AGL: variants seen among roughly 807,000 people sequenced by gnomAD.
The protein encoded by AGL is glycogen debranching enzyme.
AGL carries 128 observed loss-of-function variants against 199.3 expected under a neutral mutation model. The observed-to-expected ratio is 0.64, with a 90% CI of 0.56 to 0.74. The LOEUF is 0.74. AGL is among the 30% of genes least tolerant of loss of function. The pLI, the probability that AGL is intolerant of heterozygous loss-of-function variation, is 0.00. For missense variants in AGL, 1,809 were observed against 1,820.8 expected (o/e 0.99, Z 0.12); for synonymous variants, 584 against 594.7 (o/e 0.98, Z 0.26).
chr1:99,870,248 CTT>C, intron 5 of AGL, 150 bp from the exon 6 acceptor site: 1 of 722,904 alleles, frequency 1.4e-6, no homozygotes, highest in African/African-American at 1.8e-5. Flanking sequence ...AAAGAAAAAA[CTT>C]TTCCTGTAAC....
chr1:99,853,807 T>C (rs987234942), intron 2 of AGL, among the ~76,000 whole-genome samples: 4 of 152,314 alleles, frequency 2.6e-5, no homozygotes, highest in Non-Finnish European at 5.9e-5. Flanking sequence ...GGAGGATCTC[T>C]TGAGCCCAGG....
rs549347345 is a variant in AGL, at chr1:99,897,731, G to C, written c.3362+1343G>C. On this transcript the variant is annotated intron_variant, in intron 25 of 33. Coordinates refer to ENST00000361915, the MANE Select transcript of AGL (RefSeq NM_000642.3). ...AAGAACTTCGGCTTTACACCAGACT[G>C]CCAGCTTCTAATCCTGGTTCCAAAC... 1.1e-4 allele frequency among the ~76,000 whole-genome samples: 17 copies of C among 152,254 alleles called. No homozygotes were observed. In the East Asian group the frequency reaches 2.5e-3, roughly 23 times the overall value.
chr1:99,898,688 G>T (rs1399697206), intron 25 of AGL, among the ~76,000 whole-genome samples: 1 of 152,158 alleles, frequency 6.6e-6, no homozygotes, highest in East Asian at 1.9e-4. Flanking sequence ...TTGAGGATCT[G>T]TCAGTTTCCA....
At chr1:99,862,188 A>G (rs1018928699) in intron 3 of AGL, 69 bp from the exon 4 acceptor site, 57 of 1,415,378 alleles carry the variant, frequency 4.0e-5, no homozygotes, top group Middle Eastern at 1.8e-4. Flanking sequence ...AGTTAGAGTC[A>G]GACTATATTA....
rs866495189 is a variant in AGL, at chr1:99,875,206, G to C, written c.1135G>C (p.Glu379Gln). ...CTGTAATTGGTTTCATAAAAGAATG[G>C]AGGAATTAAATTCAGAGAAGCATCG... ...ECCNWFHKRM[E>Q]ELNSEKHRLI... Residue 379 changes from glutamate to glutamine, a missense_variant, in exon 9 of 34, where the codon GAG becomes CAG. Coordinates refer to ENST00000361915, the MANE Select transcript of AGL (RefSeq NM_000642.3). The C allele has an allele frequency of 6.2e-7, 1 of 1,614,178 alleles. No homozygotes were observed. The highest frequency in any genetic ancestry group is 1.6e-4 in the Middle Eastern group (1 of 6,062).
rs1651452668 is a variant in AGL, at chr1:99,875,560, A to C, written c.1283+105A>C. On this transcript the variant is annotated intron_variant, in intron 10 of 33. Coordinates refer to ENST00000361915, the MANE Select transcript of AGL (RefSeq NM_000642.3). ...TTTCTTTAACATGTGAGTTCAGTAC[A>C]TTTCTTAAATTGAAATAGAAGTTTT... is the stretch of plus-strand genomic sequence containing the variant. The C allele has an allele frequency of 7.4e-6, 7 of 948,826 alleles. No homozygotes were observed. The Middle Eastern group carries it at 8.7e-4, about 117-fold the overall frequency. The allele number at this position is 948,826 out of a possible 1,614,324, so 58.8% of individuals were successfully genotyped here.
intron 19 of AGL, 28 bp downstream of exon 19, chr1:99,884,479 C>T (rs1652295838): frequency 1.3e-6 from 2 of 1,598,590 alleles, no homozygotes; most frequent in East Asian, 2.2e-5. Flanking sequence ...AAACTGTTGA[C>T]TTTACTTATA....
chr1:99,852,817 T>G (rs1649091348), intron 2 of AGL: 1 of 746,860 alleles, frequency 1.3e-6, no homozygotes, highest in Non-Finnish European at 2.5e-6. Flanking sequence ...GGCATTGATA[T>G]GAATCACTCC....
At chr1:99,858,794 G>GT (rs200954389) in intron 2 of AGL, among the ~76,000 whole-genome samples, 2,287 of 151,314 alleles carry the variant, frequency 0.015, 34 homozygotes, top group Middle Eastern at 0.083. Context: ...GAGCCAAAAG[G>GT]TTTTTTCTAC....
At chr1:99,862,709 G>A (rs1650158009) in intron 4 of AGL, among the ~76,000 whole-genome samples, 1 of 152,060 alleles carries the variant, frequency 6.6e-6, no homozygotes, top group Non-Finnish European at 1.5e-5. Flanking sequence ...AAAGTGGGAG[G>A]TGCTACGTGC....
At chr1:99,880,891 A>G in intron 14 of AGL, 96 bp downstream of exon 14, 2 of 1,434,782 alleles carry the variant, frequency 1.4e-6, no homozygotes, top group Non-Finnish European at 2.0e-6. Flanking sequence ...ATACTTCAAA[A>G]TAGTGTCTTA....
At chr1:99,879,878 TTC>T (rs1557762464) in intron 12 of AGL, 43 bp from the exon 13 acceptor site, 1 of 1,528,724 alleles carries the variant, frequency 6.5e-7, no homozygotes. Context: ...GCTTTTCTCT[TTC>T]TGTTACATTT....
intron 7 of AGL, 58 bp from the exon 8 acceptor site, chr1:99,874,627 GAC>G (rs1651339946): frequency 4.0e-6 from 6 of 1,502,062 alleles, no homozygotes; most frequent in Middle Eastern, 1.7e-4. Context: ...AGAAAATAGT[GAC>G]AGTTATAATC....
intron 27 of AGL, among the ~76,000 whole-genome samples, chr1:99,907,348 CATTT>C (rs879675418): frequency 1.3e-5 from 2 of 152,090 alleles, no homozygotes; most frequent in African/African-American, 4.8e-5. Flanking sequence ...TGTTTCCATT[CATTT>C]GTCAATGGAC....
In AGL at chr1:99,862,324, G is replaced by T. The variant is rs751057972; in HGVS notation, c.361G>T (p.Val121Leu). The T allele has an allele frequency of 6.2e-7, 1 of 1,614,044 alleles. No homozygotes were observed. The highest frequency in any genetic ancestry group is 2.2e-5 in the East Asian group (1 of 44,860). Residue 121 changes from valine (V) to leucine (L), a missense_variant, in exon 4 of 34, where the codon GTG becomes TTG. Coordinates refer to ENST00000361915, the MANE Select transcript of AGL (RefSeq NM_000642.3). The stretch of plus-strand genomic sequence containing the variant: ...TTTACGTGTTGGTGCTGATAATCAT[G>T]TGCTACCCTTGGACTGTGTTACTCT... Reference protein sequence around the residue: ...PILRVGADNHVLPLDCVTLQT... With the variant: ...PILRVGADNHLLPLDCVTLQT...
intron 10 of AGL, 104 bp downstream of exon 10, chr1:99,875,559 C>T: frequency 1.0e-6 from 1 of 965,168 alleles, no homozygotes; most frequent in Non-Finnish European, 1.6e-6. Context: ...GAGTTCAGTA[C>T]ATTTCTTAAA....
At chr1:99,915,349 G>T (rs960292886) in intron 30 of AGL, 40 bp from the exon 31 acceptor site, 7 of 1,491,970 alleles carry the variant, frequency 4.7e-6, no homozygotes, top group South Asian at 2.3e-5. Flanking sequence ...ATTCTTCTGT[G>T]ATCTTAAAAA....
chr1:99,902,861 A>G, intron 27 of AGL, 67 bp downstream of exon 27: 1 of 1,213,000 alleles, frequency 8.2e-7, no homozygotes, highest in Admixed American at 1.9e-5. Flanking sequence ...GCAATTGTTC[A>G]CTTAGTAAAT....
chr1:99,915,867 G>C (rs1221865963), intron 31 of AGL, among the ~76,000 whole-genome samples: 1 of 152,030 alleles, frequency 6.6e-6, no homozygotes, highest in African/African-American at 2.4e-5. Flanking sequence ...AACAAATGGA[G>C]TATAGATAAC....
Sources: allele counts gnomAD v4.1 joint callset (sites outside exome capture counted in the v4.1 genomes callset), GRCh38; gene constraint gnomAD v4.1.1; transcripts MANE v1.5; gene names NCBI Gene and HGNC (gene_info 2026-07-23, HGNC 2026-07-21).